AKAP12: variants seen among roughly 807,000 people sequenced by gnomAD.
AKAP12 encodes the protein A-kinase anchoring protein 12.
Under a neutral mutation model 79.9 loss-of-function variants are expected in AKAP12, and 32 were observed. The ratio of observed to expected loss-of-function variants is 0.40; its 90% CI spans 0.30 to 0.54. The LOEUF is 0.54. AKAP12 is among the 20% of genes least tolerant of loss of function. AKAP12 has a pLI of 0.48. For synonymous variants in AKAP12, 808 were observed against 857.0 expected (o/e 0.94, Z 1.00); for missense variants, 2,074 against 2,177.0 (o/e 0.95, Z 0.94).
intron 2 of AKAP12, among the ~76,000 whole-genome samples, chr6:151,246,441 C>A (rs546970395): frequency 2.0e-5 from 3 of 152,216 alleles, no homozygotes; most frequent in Non-Finnish European, 4.4e-5. Flanking sequence ...AAAACAAAAA[C>A]AAAAAATTTA....
At chr6:151,302,672 C>A (rs1776887371) in intron 2 of AKAP12, among the ~76,000 whole-genome samples, 1 of 152,054 alleles carries the variant, frequency 6.6e-6, no homozygotes, top group Non-Finnish European at 1.5e-5. Flanking sequence ...GCACAATTGA[C>A]CGAAGTTTAT....
At chr6:151,317,597 A>G (rs1777265444) in intron 3 of AKAP12, among the ~76,000 whole-genome samples, 1 of 152,248 alleles carries the variant, frequency 6.6e-6, no homozygotes, top group Non-Finnish European at 1.5e-5. Flanking sequence ...AAACATGAGA[A>G]CAACTTAGTT....
At chr6:151,295,326 C>G (rs1313661758) in intron 2 of AKAP12, among the ~76,000 whole-genome samples, 1 of 152,154 alleles carries the variant, frequency 6.6e-6, no homozygotes, top group Non-Finnish European at 1.5e-5. Flanking sequence ...GTGGATCTCT[C>G]TTAACAATCA....
rs568123572 is a variant in AKAP12, at chr6:151,354,498, C to T, written c.*12+746C>T. Among the ~76,000 whole-genome samples the T allele has an allele frequency of 4.6e-5, 7 of 152,038 alleles. No homozygotes were observed. In the East Asian group the frequency reaches 5.8e-4, roughly 13 times the overall value. On this transcript the variant is annotated intron_variant, in intron 4 of 4. Transcript: ENST00000402676. ...ACGCCATTCTCCTGCCTCAGCCTCC[C>T]GAGTAGCTGGGACTACAGGTGCCCG...
At chr6:151,280,541 G>C (rs1052359867) in intron 2 of AKAP12, 13 of 151,934 alleles carry the variant, frequency 8.6e-5, no homozygotes, top group African/African-American at 3.1e-4. Context: ...TTACAAATTT[G>C]GGTCTCATCT....
intron 3 of AKAP12, among the ~76,000 whole-genome samples, chr6:151,308,327 CT>C (rs1777019692): frequency 6.6e-6 from 1 of 152,088 alleles, no homozygotes; most frequent in African/African-American, 2.4e-5. Flanking sequence ...ATTCTCCTGC[CT>C]CAGACTCCTG....
intron 2 of AKAP12, among the ~76,000 whole-genome samples, chr6:151,258,643 A>G (rs1797348244): frequency 1.3e-5 from 2 of 152,092 alleles, no homozygotes; most frequent in African/African-American, 4.8e-5. Flanking sequence ...TATGTATTTT[A>G]TTTTATTAAT....
At chr6:151,287,764 C>T (rs1187608433) in intron 2 of AKAP12, among the ~76,000 whole-genome samples, 8 of 152,100 alleles carry the variant, frequency 5.3e-5, no homozygotes, top group Non-Finnish European at 1.2e-4. Flanking sequence ...CACATGCATA[C>T]GTATGTTTAT....
In AKAP12 at chr6:151,251,368, A is replaced by AGTT. The variant is rs1425997162; in HGVS notation, c.162+10646_162+10647insTGT. ...GGCAGAGATAACATCCGCACAGTAAAGTGGTGGGAAGTGTGACTAGAAAGG... is the reference window on the plus strand; with the variant it reads ...GGCAGAGATAACATCCGCACAGTAAAGTTGTGGTGGGAAGTGTGACTAGAAAGG... On this transcript the variant is annotated intron_variant, in intron 2 of 4. Transcript: ENST00000402676. Among the ~76,000 whole-genome samples the AGTT allele has an allele frequency of 3.9e-5, 6 of 152,168 alleles. No homozygotes were observed. In the South Asian group the frequency reaches 8.3e-4, roughly 21 times the overall value.
intron 2 of AKAP12, among the ~76,000 whole-genome samples, chr6:151,244,856 C>A (rs917374649): frequency 6.6e-6 from 1 of 152,112 alleles, no homozygotes; most frequent in African/African-American, 2.4e-5. Flanking sequence ...TTTTGGGTAC[C>A]GATAGACTGC....
At chr6:151,320,245 G>C (rs555961745) in intron 3 of AKAP12, among the ~76,000 whole-genome samples, 1 of 151,814 alleles carries the variant, frequency 6.6e-6, no homozygotes, top group Non-Finnish European at 1.5e-5. Flanking sequence ...TGCCCACTCC[G>C]AGGCCTCTCC....
At chr6:151,243,232 C>G (rs1797011516) in intron 2 of AKAP12, among the ~76,000 whole-genome samples, 1 of 152,156 alleles carries the variant, frequency 6.6e-6, no homozygotes, top group South Asian at 2.1e-4. Context: ...CTTGAACTTC[C>G]TTGATGTGTC....
Position 151,349,891 on chromosome 6 carries a change from G to A in AKAP12, c.1500G>A (p.Val500=), listed in dbSNP as rs775809737. Residue 500 remains valine, a synonymous_variant, in exon 4 of 5, where the codon GTG becomes GTA. Coordinates refer to ENST00000402676, the MANE Select transcript of AKAP12 (RefSeq NM_005100.4). ...SKPPEGVVSE[V]EMLSSQERMK... is the part of the protein sequence containing the mutation. ...CCCCCGAAGGCGTTGTGAGTGAGGT[G>A]GAAATGCTGTCATCACAGGAGAGAA... 1.2e-6 allele frequency: 2 copies of A among 1,614,146 alleles called. No individual in the cohort carries two copies. The highest frequency in any genetic ancestry group is 2.2e-5 in the South Asian group (2 of 91,080).
intron 3 of AKAP12, among the ~76,000 whole-genome samples, chr6:151,322,296 C>T (rs867815072): frequency 6.6e-6 from 1 of 152,018 alleles, no homozygotes; most frequent in Non-Finnish European, 1.5e-5. Context: ...TAACGTTGGA[C>T]GTATTTTCAT....
intron 2 of AKAP12, among the ~76,000 whole-genome samples, chr6:151,289,540 A>G (rs1034340005): frequency 6.6e-6 from 1 of 152,228 alleles, no homozygotes; most frequent in Non-Finnish European, 1.5e-5. Flanking sequence ...TGCCTCTCGT[A>G]CATAGTCACT....
intron 3 of AKAP12, among the ~76,000 whole-genome samples, chr6:151,333,220 C>T (rs749863640): frequency 2.0e-4 from 30 of 152,050 alleles, no homozygotes; most frequent in African/African-American, 2.9e-4. Flanking sequence ...CAGGCCTGCA[C>T]GGGTTAGCAC....
chr6:151,329,439 C>T (rs180670722), intron 3 of AKAP12, among the ~76,000 whole-genome samples: 14 of 152,296 alleles, frequency 9.2e-5, no homozygotes, highest in East Asian at 5.8e-4. Flanking sequence ...AGTATCTTTT[C>T]GCTTTTCTCT....
At chr6:151,263,824 C>T (rs184842764) in intron 2 of AKAP12, among the ~76,000 whole-genome samples, 4 of 152,320 alleles carry the variant, frequency 2.6e-5, no homozygotes, top group Admixed American at 2.6e-4. Context: ...GGTGATCCTC[C>T]TGCCTCAGCC....
chr6:151,271,259 C>T (rs147977041), intron 2 of AKAP12, among the ~76,000 whole-genome samples: 3 of 151,970 alleles, frequency 2.0e-5, no homozygotes, highest in Non-Finnish European at 2.9e-5. Context: ...AGTTCAGCAT[C>T]GTCTCCTGGG....
Sources: gnomAD v4.1 joint callset for allele counts (sites outside exome capture counted in the v4.1 genomes callset) on GRCh38, gnomAD v4.1.1 for gene constraint, MANE v1.5 for transcripts, NCBI Gene and HGNC (gene_info 2026-07-23, HGNC 2026-07-21) for gene names.